PJA2: variants seen among roughly 807,000 people sequenced by gnomAD.
PJA2 encodes praja ring finger ubiquitin ligase 2.
In PJA2, 25 loss-of-function variants were observed where a neutral mutation model predicts 69.3. That is an observed-to-expected ratio of 0.36 (90% CI 0.26 to 0.50). The LOEUF (loss-of-function observed/expected upper bound fraction) is 0.50, where lower values mean the gene tolerates loss of function less well. Ranked by LOEUF, PJA2 falls within the 20% of genes least tolerant of loss-of-function variation. The pLI is 0.96. For synonymous variants in PJA2, 308 were observed against 277.8 expected (o/e 1.11, Z -1.08); for missense variants, 809 against 830.2 (o/e 0.97, Z 0.31).
chr5:109,367,760 T>A (rs538450887), intron 5 of PJA2, among the ~76,000 whole-genome samples: 1 of 152,208 alleles, frequency 6.6e-6, no homozygotes, highest in Non-Finnish European at 1.5e-5. Flanking sequence ...TTTGGTTTAT[T>A]TCAAGGAGCA....
At chr5:109,342,775 A>C (rs1204053367) in intron 9 of PJA2, among the ~76,000 whole-genome samples, 57 of 106,062 alleles carry the variant, frequency 5.4e-4, no homozygotes, top group African/African-American at 2.2e-3. Context: ...GGCCGCCCCT[A>C]CTGGGAAGTG....
Position 109,353,303 on chromosome 5 carries a change from TATA to T in PJA2, c.1764+2609_1764+2611del, listed in dbSNP as rs773567128. 1.2e-3 allele frequency among the ~76,000 whole-genome samples: 161 copies of T among 136,758 alleles called. 1 individual carries two copies. The highest frequency in any genetic ancestry group is 3.2e-3 in the East Asian group (15 of 4,722). 89.7% of individuals were successfully genotyped at this position (136,758 alleles called of 152,430 possible). On this transcript the variant is annotated intron_variant, in intron 7 of 9. Coordinates refer to ENST00000361189, the MANE Select transcript of PJA2 (RefSeq NM_014819.5). ...CATAGACATCTATATATTAGATATC[TATA>T]ATATCTATAGATATCTATATATTAG...
intron 7 of PJA2, among the ~76,000 whole-genome samples, chr5:109,351,736 A>C (rs986325207): frequency 6.6e-6 from 1 of 152,120 alleles, no homozygotes; most frequent in Non-Finnish European, 1.5e-5. Context: ...AACAATGACC[A>C]ATCTAGTATT....
At chr5:109,363,785 C>T (rs1762535898) in intron 5 of PJA2, among the ~76,000 whole-genome samples, 1 of 151,968 alleles carries the variant, frequency 6.6e-6, no homozygotes, top group Admixed American at 6.6e-5. Flanking sequence ...GGAACAGAGA[C>T]ACACAAATCA....
intron 5 of PJA2, among the ~76,000 whole-genome samples, chr5:109,367,143 A>AAAT (rs1252162401): frequency 4.7e-4 from 68 of 143,202 alleles, no homozygotes; most frequent in African/African-American, 6.1e-4. Flanking sequence ...CAAAAAAAAA[A>AAAT]ATATATATAT....
At chr5:109,380,577 T>C (rs1333387344) in intron 3 of PJA2, among the ~76,000 whole-genome samples, 1 of 149,568 alleles carries the variant, frequency 6.7e-6, no homozygotes, top group Non-Finnish European at 1.5e-5. Flanking sequence ...GGAGGCTGAG[T>C]TGGACGGACC....
intron 4 of PJA2, among the ~76,000 whole-genome samples, chr5:109,375,283 G>A (rs560767618): frequency 6.6e-6 from 1 of 152,260 alleles, no homozygotes; most frequent in African/African-American, 2.4e-5. Context: ...GCTGAGGCGG[G>A]TGGATCACTT....
chr5:109,354,539 T>G (rs950534211), intron 7 of PJA2, among the ~76,000 whole-genome samples: 2 of 132,036 alleles, frequency 1.5e-5, no homozygotes, highest in Admixed American at 7.7e-5. Context: ...ATAATATCTA[T>G]AGATATCTAT....
chr5:109,369,707 T>C (rs530939310), intron 4 of PJA2, among the ~76,000 whole-genome samples: 80 of 152,336 alleles, frequency 5.3e-4, no homozygotes, highest in African/African-American at 1.7e-3. Context: ...AAAACTTTAC[T>C]GTCCTTAGGT....
intron 4 of PJA2, 82 bp downstream of exon 4, chr5:109,378,122 T>C (rs1048263485): frequency 2.1e-6 from 2 of 975,544 alleles, no homozygotes; most frequent in South Asian, 1.6e-5. Context: ...TCATATCAAA[T>C]AGCCCAGCCA....
chr5:109,366,941 G>A (rs1266763274), intron 5 of PJA2, among the ~76,000 whole-genome samples: 1 of 151,974 alleles, frequency 6.6e-6, no homozygotes, highest in African/African-American at 2.4e-5. Flanking sequence ...AGACCAACCT[G>A]GCTAACATGG....
chr5:109,357,389 A>C (rs746488270), intron 6 of PJA2, among the ~76,000 whole-genome samples: 8 of 152,206 alleles, frequency 5.3e-5, no homozygotes, highest in Non-Finnish European at 8.8e-5. Flanking sequence ...TCTTGAAAAG[A>C]GTAATGTTAT....
At chr5:109,375,836 C>A (rs753024633) in intron 4 of PJA2, among the ~76,000 whole-genome samples, 6 of 152,080 alleles carry the variant, frequency 3.9e-5, no homozygotes, top group Non-Finnish European at 7.4e-5. Context: ...AAATTCCAAC[C>A]TTTAGCTGGC....
intron 6 of PJA2, 49 bp from the exon 7 acceptor site, chr5:109,356,075 A>G: frequency 8.0e-7 from 1 of 1,254,900 alleles, no homozygotes; most frequent in Non-Finnish European, 1.2e-6. Context: ...ATGATTTGGG[A>G]AATCTTATGC....
chr5:109,378,357 T>C lies in PJA2; in HGVS notation c.1130A>G (p.Asp377Gly). The C allele has an allele frequency of 1.9e-6, 3 of 1,614,182 alleles. No homozygotes were observed. Among genetic ancestry groups the C allele is most frequent in the Non-Finnish European group, 2.5e-6 (3 of 1,180,024 alleles). ...YDGEHDCMFL[D>G]PPYSRVITQR... ...TGTAATAACTCTTGAGTATGGTGGA[T>C]CCAAGAACATACAGTCATGCTCTCC... Residue 377 changes from aspartate (D) to glycine (G), a missense_variant, in exon 4 of 10, where the codon GAT becomes GGT. Asp to Gly is a moderately conservative substitution (Grantham distance 94, BLOSUM62 -1). Transcript: ENST00000361189.
At chr5:109,370,795 T>G (rs1561353553) in intron 4 of PJA2, among the ~76,000 whole-genome samples, 1 of 152,190 alleles carries the variant, frequency 6.6e-6, no homozygotes, top group Non-Finnish European at 1.5e-5. Flanking sequence ...GGGTAAGATT[T>G]CTATATAAAT....
chr5:109,395,836 T>C (rs1226858825), intron 1 of PJA2, among the ~76,000 whole-genome samples: 2 of 151,574 alleles, frequency 1.3e-5, no homozygotes, highest in African/African-American at 4.8e-5. Flanking sequence ...CCATTTCTAC[T>C]AAAAATACAA....
intron 5 of PJA2, among the ~76,000 whole-genome samples, chr5:109,364,692 G>A (rs1001539948): frequency 7.0e-5 from 10 of 142,352 alleles, no homozygotes; most frequent in African/African-American, 2.5e-4. Flanking sequence ...ACAAAATTTG[G>A]ACACAAAACT....
At chr5:109,355,884 T>A (rs1400294808) in intron 7 of PJA2, 31 bp downstream of exon 7, 1 of 1,459,184 alleles carries the variant, frequency 6.9e-7, no homozygotes, top group Non-Finnish European at 9.5e-7. Flanking sequence ...TCCCATCAAC[T>A]TATATATGGA....
Sources: allele counts gnomAD v4.1 joint callset (sites outside exome capture counted in the v4.1 genomes callset), GRCh38; gene constraint gnomAD v4.1.1; transcripts MANE v1.5; gene names NCBI Gene and HGNC (gene_info 2026-07-23, HGNC 2026-07-21).